Variants in NPLOC4 observed in about 807,000 individuals in gnomAD.
NPLOC4 encodes nuclear protein localization protein 4 homolog.
NPLOC4 carries 18 observed loss-of-function variants against 80.6 expected under a neutral mutation model. The ratio of observed to expected loss-of-function variants is 0.22; its 90% CI spans 0.15 to 0.33. The LOEUF (loss-of-function observed/expected upper bound fraction) is 0.33. NPLOC4 is among the 10% of genes least tolerant of loss of function. NPLOC4 has a pLI of 1.00. For missense variants in NPLOC4, 540 were observed against 786.1 expected, an observed-to-expected ratio of 0.69 and a Z score of 3.74; for synonymous variants, 313 against 301.5, an observed-to-expected ratio of 1.04 and a Z score of -0.39.
At chr17:81,586,763 T>C (rs2034591278) in intron 12 of NPLOC4, among the ~76,000 whole-genome samples, 1 of 152,240 alleles carries the variant, frequency 6.6e-6, no homozygotes, top group Admixed American at 6.5e-5. Context: ...AGGAAGACTG[T>C]CACCTCACAA....
intron 13 of NPLOC4, 100 bp downstream of exon 13, chr17:81,571,917 A>G: frequency 1.3e-6 from 1 of 796,304 alleles, no homozygotes; most frequent in Non-Finnish European, 1.9e-6. Context: ...AGGGTGCCTT[A>G]AATTGCAGCC....
chr17:81,606,618 T>C (rs1278230695), intron 7 of NPLOC4, 73 bp downstream of exon 7: 2 of 1,539,862 alleles, frequency 1.3e-6, no homozygotes, highest in African/African-American at 2.7e-5. Flanking sequence ...AGCATTCCAC[T>C]CCAAGGGGCT....
chr17:81,622,970 G>A (rs950945321), intron 2 of NPLOC4, among the ~76,000 whole-genome samples: 2 of 151,934 alleles, frequency 1.3e-5, no homozygotes, highest in Admixed American at 6.5e-5. Context: ...TGAGGTGGGA[G>A]TATCACCTGA....
At position 81,559,285 on chromosome 17, in the gene NPLOC4, C is replaced by T. The variant is rs1342247543; in HGVS notation, c.1801G>A (p.Glu601Lys). Residue 601 changes from glutamate (E) to lysine (K), a missense_variant, in exon 17 of 17, where the codon GAG becomes AAG. Physicochemically the swap from Glu to Lys is moderately conservative, Grantham distance 56. Transcript: ENST00000331134. ...TAGGTCCTGGGGAGGCTGCACATCT[C>T]GCAGTGGCCTGTGCCTGGCTGGTTC... ...FMNQPGTGHC[E>K]MCSLPRT is the part of the protein sequence containing the mutation. 4 of 1,604,774 alleles carry T rather than the reference C, an allele frequency of 2.5e-6. No individual in the cohort carries two copies. The highest frequency in any genetic ancestry group is 2.2e-5 in the East Asian group (1 of 44,570).
intron 7 of NPLOC4, among the ~76,000 whole-genome samples, chr17:81,605,561 T>C (rs1012594555): frequency 6.6e-6 from 1 of 150,936 alleles, no homozygotes; most frequent in African/African-American, 2.4e-5. Context: ...GGCAATAGAA[T>C]CACTTGCACC....
chr17:81,585,262 A>G (rs2034546936), intron 12 of NPLOC4, among the ~76,000 whole-genome samples: 1 of 151,542 alleles, frequency 6.6e-6, no homozygotes, highest in African/African-American at 2.4e-5. Flanking sequence ...AGTAACATCC[A>G]TGATTCCTGG....
intron 16 of NPLOC4, among the ~76,000 whole-genome samples, chr17:81,560,399 C>G (rs569024117): frequency 8.1e-4 from 122 of 150,568 alleles, no homozygotes; most frequent in Non-Finnish European, 1.4e-3. Context: ...GGCGACACAG[C>G]GAGACTCCAT....
intron 6 of NPLOC4, 48 bp from the exon 7 acceptor site, chr17:81,606,862 G>C (rs1165657554): frequency 1.9e-6 from 3 of 1,569,214 alleles, no homozygotes; most frequent in Non-Finnish European, 2.6e-6. Flanking sequence ...GAAAAGTTGA[G>C]CAAGAGGCTG....
intron 6 of NPLOC4, among the ~76,000 whole-genome samples, chr17:81,607,889 A>T (rs186890599): frequency 2.0e-5 from 3 of 152,340 alleles, no homozygotes. Context: ...GACATCCTTC[A>T]CAAAATGTTG....
intron 12 of NPLOC4, among the ~76,000 whole-genome samples, chr17:81,586,786 G>A (rs554227509): frequency 6.6e-6 from 1 of 152,338 alleles, no homozygotes. Flanking sequence ...AGCTCTACCA[G>A]GCTCTCAGAT....
intron 13 of NPLOC4, among the ~76,000 whole-genome samples, chr17:81,569,851 A>C (rs2034113960): frequency 6.6e-6 from 1 of 152,182 alleles, no homozygotes; most frequent in Admixed American, 6.5e-5. Context: ...ACAGTGGTAA[A>C]TGTGCAAGAA....
intron 1 of NPLOC4, among the ~76,000 whole-genome samples, chr17:81,635,035 AT>A (rs1188743196): frequency 6.6e-6 from 1 of 151,884 alleles, no homozygotes; most frequent in African/African-American, 2.4e-5. Flanking sequence ...CTATAAAAAA[AT>A]GTTTTTAATT....
In NPLOC4 at chr17:81,557,207, G is replaced by A. The variant is rs1375143430; in HGVS notation, c.*2052C>T. 1.3e-5 allele frequency: 2 copies of A among 152,388 alleles called. No individual in the cohort carries two copies. The highest frequency in any genetic ancestry group is 1.5e-5 in the Non-Finnish European group (1 of 68,094). 9.4% of individuals were successfully genotyped at this position (152,388 alleles called of 1,614,324 possible). A position where few individuals can be genotyped will look rare whatever the true frequency, so the allele number is the denominator to read the frequency against. The stretch of plus-strand genomic sequence containing the variant: ...GGCTGAGACCTCCTTCCCACAAGAG[G>A]AGGTGGCTGAGCCTCCCAGGGCCTG... On this transcript the variant is annotated 3_prime_UTR_variant, in exon 17 of 17. Coordinates refer to ENST00000331134, the MANE Select transcript of NPLOC4 (RefSeq NM_017921.4).
intron 1 of NPLOC4, among the ~76,000 whole-genome samples, chr17:81,633,127 CAAAA>C (rs57190405): frequency 0.064 from 6,760 of 105,812 alleles, 272 homozygotes; most frequent in East Asian, 0.25. Flanking sequence ...GACTCCGTCT[CAAAA>C]AAAAAAAAAA....
rs879629317 is a variant in NPLOC4, at chr17:81,580,369, T to C, written c.1282-8281A>G. Among the ~76,000 whole-genome samples, 5 of 152,060 alleles carry C rather than the reference T, an allele frequency of 3.3e-5. No individual in the cohort carries two copies. Among genetic ancestry groups the C allele is most frequent in the Non-Finnish European group, 5.9e-5 (4 of 68,002 alleles). ...CTCACTACTGCACAGCCATCTCTAC[T>C]CTCTACCCTAGTCTCCTTTTCCAGC... On this transcript the variant is annotated intron_variant, in intron 12 of 16. Transcript: ENST00000331134. The surrounding 1 kb of genome is among the most constrained non-coding windows in gnomAD (Gnocchi z 4.4).
At chr17:81,626,223 G>C (rs1363631717) in intron 2 of NPLOC4, among the ~76,000 whole-genome samples, 1 of 151,490 alleles carries the variant, frequency 6.6e-6, no homozygotes, top group Non-Finnish European at 1.5e-5. Context: ...GGCTGAGCCA[G>C]GAAAACCGCT....
Position 81,567,504 on chromosome 17 carries a change from A to G in NPLOC4, c.1479T>C (p.Ser493=). 6.2e-7 allele frequency: 1 copy of G among 1,613,202 alleles called. No homozygotes were observed. Among genetic ancestry groups the G allele is most frequent in the Non-Finnish European group, 8.5e-7 (1 of 1,179,276 alleles). ...CCAAGAACACAGATGAGGTATTCTGAGACAAATAGGTGGCCAAGCTATGGA... is the reference window on the plus strand; with the variant it reads ...CCAAGAACACAGATGAGGTATTCTGGGACAAATAGGTGGCCAAGCTATGGA... ...QDFHSLATYL[S]QNTSSVFLDT... is the part of the protein sequence containing the mutation. Residue 493 remains serine (S), a synonymous_variant, in exon 15 of 17, where the codon TCT becomes TCC. Transcript: ENST00000331134. This position sits in a 1 kb window ranked among gnomAD's most constrained non-coding sequence, Gnocchi z 4.5.
intron 11 of NPLOC4, among the ~76,000 whole-genome samples, chr17:81,590,089 T>C (rs2034697559): frequency 6.6e-6 from 1 of 152,174 alleles, no homozygotes. Context: ...GTCATGGTAT[T>C]GTATACACAG....
chr17:81,565,233 G>A, intron 16 of NPLOC4: 1 of 655,384 alleles, frequency 1.5e-6, no homozygotes, highest in South Asian at 1.6e-5. Context: ...TAGGATGCCT[G>A]GAGATTAGTA....
Sources: gnomAD v4.1 joint callset for allele counts (sites outside exome capture counted in the v4.1 genomes callset) on GRCh38, gnomAD v4.1.1 for gene constraint, Gnocchi (gnomAD v3.1) non-coding constraint, MANE v1.5 for transcripts, NCBI Gene and HGNC (gene_info 2026-07-23, HGNC 2026-07-21) for gene names.